Variants in SLAIN2 observed in about 807,000 individuals in gnomAD.
SLAIN2 encodes the protein SLAIN family member 2, also known as SLAIN motif-containing protein 2.
Under a neutral mutation model 56.6 loss-of-function variants are expected in SLAIN2, and 31 were observed. The ratio of observed to expected loss-of-function variants is 0.55; its 90% CI spans 0.41 to 0.74. SLAIN2 has a LOEUF of 0.74. Among genes scored for constraint, SLAIN2 ranks in the 30% least tolerant of loss-of-function variants. The pLI is 0.00. For synonymous variants in SLAIN2, 317 were observed against 284.9 expected, an observed-to-expected ratio of 1.11 and a Z score of -1.13; for missense variants, 777 against 754.2, an observed-to-expected ratio of 1.03 and a Z score of -0.35.
intron 6 of SLAIN2, among the ~76,000 whole-genome samples, chr4:48,393,092 G>T (rs912728973): frequency 2.6e-5 from 4 of 151,848 alleles, no homozygotes; most frequent in Non-Finnish European, 5.9e-5. Context: ...TAACCCATTG[G>T]CCGGGTGCAG....
At chr4:48,390,090 T>C (rs1716198660) in intron 6 of SLAIN2, among the ~76,000 whole-genome samples, 1 of 150,582 alleles carries the variant, frequency 6.6e-6, no homozygotes, top group African/African-American at 2.4e-5. Flanking sequence ...TTTTCTTTTT[T>C]TTTTTTTTCC....
chr4:48,397,245 C>T (rs899481961), intron 6 of SLAIN2, among the ~76,000 whole-genome samples: 26 of 151,988 alleles, frequency 1.7e-4, no homozygotes, highest in African/African-American at 5.8e-4. Flanking sequence ...CTTCTAAACA[C>T]CCCATTAAAA....
intron 6 of SLAIN2, among the ~76,000 whole-genome samples, chr4:48,408,823 C>A (rs1209804450): frequency 6.6e-6 from 1 of 151,984 alleles, no homozygotes; most frequent in Non-Finnish European, 1.5e-5. Context: ...TGCAGACTTT[C>A]ACATTCACTT....
Position 48,342,073 on chromosome 4 carries a change from C to A in SLAIN2, c.334C>A (p.Leu112Met). The stretch of plus-strand genomic sequence containing the variant: ...CGGCTTGCTGGACGAGGTGGAGCCG[C>A]TGCGGCCCGACGAGCTGGAGCGCCT... ...EGGLLDEVEPLRPDELERLSG... is the reference protein window; with the variant it reads ...EGGLLDEVEPMRPDELERLSG... The change falls in exon 1 of 8, where the codon CTG becomes ATG. Residue 112 changes from leucine (L) to methionine (M), a missense_variant. Physicochemically the swap from Leu to Met is conservative, Grantham distance 15. Transcript: ENST00000264313. 1.5e-6 allele frequency: 2 copies of A among 1,373,294 alleles called. No individual in the cohort carries two copies. Among genetic ancestry groups the A allele is most frequent in the Non-Finnish European group, 1.9e-6 (2 of 1,071,034 alleles). 85.1% of individuals were successfully genotyped at this position (1,373,294 alleles called of 1,614,324 possible).
intron 6 of SLAIN2, among the ~76,000 whole-genome samples, chr4:48,415,316 T>C (rs1716968718): frequency 1.6e-5 from 1 of 60,688 alleles, no homozygotes; most frequent in African/African-American, 5.4e-5. Flanking sequence ...CCAGTGATGA[T>C]GAGCATTTCT....
intron 1 of SLAIN2, among the ~76,000 whole-genome samples, chr4:48,367,825 T>G (rs911894715): frequency 3.9e-5 from 6 of 152,120 alleles, no homozygotes; most frequent in African/African-American, 1.4e-4. Flanking sequence ...TCGTTATATG[T>G]TAGTGAATTT....
chr4:48,360,422 C>T (rs972311890), intron 1 of SLAIN2, among the ~76,000 whole-genome samples: 3 of 151,836 alleles, frequency 2.0e-5, no homozygotes, highest in African/African-American at 7.3e-5. Flanking sequence ...AAAACCTGGT[C>T]TCTACCAAAA....
At chr4:48,398,385 C>G (rs1238929667) in intron 6 of SLAIN2, among the ~76,000 whole-genome samples, 2 of 152,100 alleles carry the variant, frequency 1.3e-5, no homozygotes, top group Non-Finnish European at 2.9e-5. Flanking sequence ...CTTGTAGACT[C>G]TGGATAGTAG....
intron 1 of SLAIN2, among the ~76,000 whole-genome samples, chr4:48,359,475 C>T (rs188595551): frequency 8.5e-5 from 13 of 152,280 alleles, no homozygotes; most frequent in East Asian, 1.9e-4. Flanking sequence ...GTGATTACTG[C>T]GGTTACCACA....
At chr4:48,412,133 T>C (rs1417937401) in intron 6 of SLAIN2, among the ~76,000 whole-genome samples, 1 of 152,190 alleles carries the variant, frequency 6.6e-6, no homozygotes, top group African/African-American at 2.4e-5. Flanking sequence ...AGGTTAGTTA[T>C]ATGTTAATTT....
chr4:48,357,048 C>T (rs1475175007), intron 1 of SLAIN2, among the ~76,000 whole-genome samples: 1 of 151,366 alleles, frequency 6.6e-6, no homozygotes, highest in Non-Finnish European at 1.5e-5. Context: ...AATGAGTTTG[C>T]CTTGCTAATA....
At chr4:48,379,986 G>A (rs1256036195) in intron 4 of SLAIN2, 138 bp downstream of exon 4, 1 of 759,332 alleles carries the variant, frequency 1.3e-6, no homozygotes, top group Admixed American at 3.4e-5. Flanking sequence ...CAGAGACTTA[G>A]TCAACATATG....
intron 1 of SLAIN2, among the ~76,000 whole-genome samples, chr4:48,356,453 G>C (rs1363552598): frequency 6.6e-6 from 1 of 152,046 alleles, no homozygotes; most frequent in Non-Finnish European, 1.5e-5. Flanking sequence ...TAGCTGAAAA[G>C]ATATGTACTA....
chr4:48,390,901 A>G (rs1716222878), intron 6 of SLAIN2, among the ~76,000 whole-genome samples: 1 of 152,164 alleles, frequency 6.6e-6, no homozygotes, highest in South Asian at 2.1e-4. Context: ...AGTTTTTTTC[A>G]TGAAGCAACT....
chr4:48,402,529 C>G (rs188843278), intron 6 of SLAIN2, among the ~76,000 whole-genome samples: 197 of 152,220 alleles, frequency 1.3e-3, no homozygotes, highest in Admixed American at 3.4e-3. Flanking sequence ...GAGATTCTTT[C>G]CTCCACTTGG....
intron 1 of SLAIN2, among the ~76,000 whole-genome samples, chr4:48,348,773 G>T (rs182435937): frequency 6.6e-6 from 1 of 151,920 alleles, no homozygotes; most frequent in African/African-American, 2.4e-5. Context: ...GAAGCATCAT[G>T]AATGTTTTCC....
intron 6 of SLAIN2, among the ~76,000 whole-genome samples, chr4:48,406,994 T>A (rs1716715574): frequency 6.6e-6 from 1 of 152,118 alleles, no homozygotes; most frequent in Non-Finnish European, 1.5e-5. Context: ...CTGAGCTGAT[T>A]TTCCCAGATT....
In SLAIN2 at chr4:48,369,693, T is replaced by A. The variant is rs1291362972; in HGVS notation, c.390-156T>A. On this transcript the variant is annotated intron_variant, in intron 1 of 7. Coordinates refer to ENST00000264313, the MANE Select transcript of SLAIN2 (RefSeq NM_020846.2). Reference sequence around the variant, plus strand: ...ATTTATATTGATTGTTTTACTATAATTTTCTTCCTGTGCAGTAAGTAAATG... The same window carrying A: ...ATTTATATTGATTGTTTTACTATAAATTTCTTCCTGTGCAGTAAGTAAATG... 2.6e-5 allele frequency among the ~76,000 whole-genome samples: 4 copies of A among 152,214 alleles called. No homozygotes were observed. The East Asian group carries it at 7.7e-4, about 29-fold the overall frequency.
Position 48,420,150 on chromosome 4 carries a change from C to G in SLAIN2, c.1386C>G (p.Ser462=). The change falls in exon 7 of 8, where the codon TCC becomes TCG. Residue 462 remains serine (S), a synonymous_variant. Transcript: ENST00000264313. ...SAIPSPGKFR[S]PAAPSPLALR... ...TACCTTCTCCAGGCAAATTCCGTTC[C>G]CCTGCAGCACCATCTCCTTTGGCTC... 1.9e-6 allele frequency: 3 copies of G among 1,613,852 alleles called. No individual in the cohort carries two copies. The highest frequency in any genetic ancestry group is 2.5e-6 in the Non-Finnish European group (3 of 1,179,834).
Sources: allele counts gnomAD v4.1 joint callset (sites outside exome capture counted in the v4.1 genomes callset), GRCh38; gene constraint gnomAD v4.1.1; transcripts MANE v1.5; gene names NCBI Gene and HGNC (gene_info 2026-07-23, HGNC 2026-07-21).